Variants in TRHDE observed in about 807,000 individuals in gnomAD.
TRHDE encodes thyrotropin releasing hormone degrading enzyme.
TRHDE carries 72 observed loss-of-function variants against 125.7 expected under a neutral mutation model. The observed-to-expected ratio is 0.57, with a 90% CI of 0.47 to 0.70. TRHDE has a LOEUF of 0.70. Among genes scored for constraint, TRHDE ranks in the 30% least tolerant of loss-of-function variants. The probability of loss-of-function intolerance (pLI) is 0.00; values close to 1 mark genes in which losing one functional copy is unlikely to be tolerated. For missense variants in TRHDE, 1,110 were observed against 1,327.1 expected (o/e 0.84, Z 2.54); for synonymous variants, 509 against 509.1 (o/e 1.00, Z 0.00).
At chr12:72,470,652 TAAAC>T (rs1210679127) in intron 4 of TRHDE, among the ~76,000 whole-genome samples, 1 of 152,146 alleles carries the variant, frequency 6.6e-6, no homozygotes, top group African/African-American at 2.4e-5. Flanking sequence ...TATGGAGCTT[TAAAC>T]TTATAACACC....
chr12:72,638,914 C>T (rs1873898350), intron 15 of TRHDE, among the ~76,000 whole-genome samples: 1 of 149,908 alleles, frequency 6.7e-6, no homozygotes, highest in Non-Finnish European at 1.5e-5. Context: ...GTAACCCGAC[C>T]TTCCTCTCTG....
chr12:72,271,933 T>G, upstream of TRHDE: 1 of 456,646 alleles, frequency 2.2e-6, no homozygotes, highest in Non-Finnish European at 4.4e-6. Flanking sequence ...TCCTGCCGTT[T>G]GCCGCCACCG....
intron 2 of TRHDE, among the ~76,000 whole-genome samples, chr12:72,172,837 G>T (rs971980043): frequency 6.6e-6 from 1 of 152,184 alleles, no homozygotes; most frequent in African/African-American, 2.4e-5. Context: ...GTATAAATTA[G>T]CTTATTACCA....
chr12:72,640,316 G>A (rs1037232087), intron 15 of TRHDE, among the ~76,000 whole-genome samples: 1 of 152,214 alleles, frequency 6.6e-6, no homozygotes, highest in Non-Finnish European at 1.5e-5. Context: ...GGAACTCCCT[G>A]ACCCCCTGCG....
intron 17 of TRHDE, among the ~76,000 whole-genome samples, chr12:72,654,851 T>C (rs755755416): frequency 1.3e-5 from 2 of 152,198 alleles, no homozygotes; most frequent in Non-Finnish European, 2.9e-5. Flanking sequence ...AATAGCCTTC[T>C]GTCTCACTGC....
At chr12:72,362,638 CATGCCTATGTCCTGAATGGTA>C (rs1320286744) in intron 2 of TRHDE, among the ~76,000 whole-genome samples, 2 of 150,744 alleles carry the variant, frequency 1.3e-5, no homozygotes, top group Non-Finnish European at 3.0e-5. Context: ...AGTCCTTGCC[CATGCCTATGTCCTGAATGGTA>C]ATGCCTAGGT....
At chr12:72,577,114 G>A (rs1447429044) in intron 12 of TRHDE, among the ~76,000 whole-genome samples, 1 of 152,142 alleles carries the variant, frequency 6.6e-6, no homozygotes, top group African/African-American at 2.4e-5. Context: ...AGTTTAGAGA[G>A]TCCAGCAAGC....
chr12:72,297,258 G>A (rs906843180), intron 2 of TRHDE, among the ~76,000 whole-genome samples: 1 of 152,054 alleles, frequency 6.6e-6, no homozygotes, highest in Non-Finnish European at 1.5e-5. Flanking sequence ...TGGAAGTGAT[G>A]TTCAGAAAAA....
At chr12:72,618,014 G>A (rs896467737) in intron 12 of TRHDE, among the ~76,000 whole-genome samples, 3 of 152,072 alleles carry the variant, frequency 2.0e-5, no homozygotes, top group African/African-American at 7.2e-5. Context: ...AAAATACATA[G>A]TGTCACTATA....
chr12:72,245,573 A>G (rs1178576563), intron 2 of TRHDE, among the ~76,000 whole-genome samples: 1 of 152,066 alleles, frequency 6.6e-6, no homozygotes, highest in Non-Finnish European at 1.5e-5. Flanking sequence ...TCTGGTTCCT[A>G]CCAGATGCAG....
chr12:72,548,863 A>C (rs1197291038), intron 7 of TRHDE, among the ~76,000 whole-genome samples: 1 of 151,826 alleles, frequency 6.6e-6, no homozygotes, highest in Non-Finnish European at 1.5e-5. Flanking sequence ...AGGGTATTGA[A>C]ATTATAAAGA....
Position 72,194,176 on chromosome 12 carries a change from A to G in TRHDE, n.279+88424A>G, listed in dbSNP as rs150788267. Among the ~76,000 whole-genome samples, 883 of 152,244 alleles carry G rather than the reference A, an allele frequency of 5.8e-3. 8 individuals are homozygous for G. Among genetic ancestry groups the G allele is most frequent in the African/African-American group, 0.02 (825 of 41,564 alleles). Reference sequence around the variant, plus strand: ...CTTTAATTACTCTGAGATAGAATTTAAGAGTTTGAATTTATTTAAAAGTAA... The same window carrying G: ...CTTTAATTACTCTGAGATAGAATTTGAGAGTTTGAATTTATTTAAAAGTAA... On this transcript the variant is annotated intron_variant and non_coding_transcript_variant, in intron 2 of 4. Coordinates refer to the TRHDE transcript ENST00000548156.
Position 72,094,130 on chromosome 12 carries a change from G to C in TRHDE, n.174+6691G>C, listed in dbSNP as rs149163468. Reference sequence around the variant, plus strand: ...CAGGACTGAATTTGGCATAATTCCTGTCTGGTCCTTGGGTGAACCAGACTG... The same window carrying C: ...CAGGACTGAATTTGGCATAATTCCTCTCTGGTCCTTGGGTGAACCAGACTG... On this transcript the variant is annotated intron_variant and non_coding_transcript_variant, in intron 1 of 4. Coordinates refer to the TRHDE transcript ENST00000548156. Among the ~76,000 whole-genome samples the C allele has an allele frequency of 3.7e-3, 570 of 152,296 alleles. 3 individuals are homozygous for C. The highest frequency in any genetic ancestry group is 0.013 in the African/African-American group (523 of 41,566).
intron 15 of TRHDE, among the ~76,000 whole-genome samples, 166 bp downstream of exon 15, chr12:72,621,917 G>A (rs954106313): frequency 2.0e-5 from 3 of 152,148 alleles, no homozygotes; most frequent in Admixed American, 1.3e-4. Flanking sequence ...TAGTGTGAAA[G>A]TCACAATACA....
chr12:72,426,779 AG>A (rs201783561), intron 3 of TRHDE, among the ~76,000 whole-genome samples: 3,391 of 151,964 alleles, frequency 0.022, 120 homozygotes, highest in African/African-American at 0.077. Context: ...TCCTGGGAAA[AG>A]GGACCAGTTA....
intron 2 of TRHDE, among the ~76,000 whole-genome samples, chr12:72,171,239 T>C (rs937948811): frequency 1.3e-5 from 2 of 150,116 alleles, no homozygotes; most frequent in Non-Finnish European, 2.9e-5. Flanking sequence ...AGAGGCCTTA[T>C]CTAAATGTCC....
intron 2 of TRHDE, among the ~76,000 whole-genome samples, chr12:72,242,949 G>A (rs912717245): frequency 6.6e-6 from 1 of 152,154 alleles, no homozygotes; most frequent in Non-Finnish European, 1.5e-5. Context: ...AGATATGAAG[G>A]AAATCCTATT....
chr12:72,624,328 A>C (rs960726587), intron 15 of TRHDE, among the ~76,000 whole-genome samples: 1 of 151,996 alleles, frequency 6.6e-6, no homozygotes. Flanking sequence ...CTGAAGCCTT[A>C]AATAGAGTGA....
chr12:72,338,326 G>C (rs1050487283), intron 2 of TRHDE, among the ~76,000 whole-genome samples: 2 of 152,146 alleles, frequency 1.3e-5, no homozygotes, highest in African/African-American at 4.8e-5. Flanking sequence ...AGGGTTGATC[G>C]TGTAAACAGA....
Sources: gnomAD v4.1 joint callset for allele counts (sites outside exome capture counted in the v4.1 genomes callset) on GRCh38, gnomAD v4.1.1 for gene constraint, MANE v1.5 for transcripts, NCBI Gene and HGNC (gene_info 2026-07-23, HGNC 2026-07-21) for gene names.